The following KAT7 variants were observed in gnomAD, a reference collection of about 807,000 sequenced individuals.
KAT7 encodes the protein lysine acetyltransferase 7.
Under a neutral mutation model 82.1 loss-of-function variants are expected in KAT7, and 10 were observed. The ratio of observed to expected loss-of-function variants is 0.12; its 90% CI spans 0.08 to 0.21. The LOEUF (loss-of-function observed/expected upper bound fraction) is 0.21, where lower values mean the gene tolerates loss of function less well. KAT7 is among the 10% of genes least tolerant of loss of function. KAT7 has a pLI of 1.00. For synonymous variants in KAT7, 250 were observed against 262.5 expected, an observed-to-expected ratio of 0.95 and a Z score of 0.46; for missense variants, 378 against 760.9, an observed-to-expected ratio of 0.50 and a Z score of 5.92.
intron 1 of KAT7, 171 bp downstream of exon 1, chr17:49,789,020 T>A: frequency 1.9e-6 from 1 of 520,288 alleles, no homozygotes; most frequent in Non-Finnish European, 3.3e-6. Flanking sequence ...GGCCCGACCC[T>A]GGCCTCGGCC....
At chr17:49,790,966 C>T (rs914532668) in intron 1 of KAT7, among the ~76,000 whole-genome samples, 1 of 152,114 alleles carries the variant, frequency 6.6e-6, no homozygotes, top group Non-Finnish European at 1.5e-5. Context: ...GAAAGAACTC[C>T]TCAGGAGGAT....
chr17:49,804,540 C>T (rs1397896173), intron 4 of KAT7, among the ~76,000 whole-genome samples: 2 of 152,150 alleles, frequency 1.3e-5, no homozygotes, highest in African/African-American at 4.8e-5. Context: ...CTTTGGGAGG[C>T]GGAGGCAGGA....
Position 49,815,882 on chromosome 17 carries a change from G to T in KAT7, c.932G>T (p.Arg311Leu). The T allele has an allele frequency of 6.2e-7, 1 of 1,613,608 alleles. No individual in the cohort carries two copies. The highest frequency in any genetic ancestry group is 8.5e-7 in the Non-Finnish European group (1 of 1,179,624). The change falls in exon 8 of 15, where the codon CGA becomes CTA. Residue 311 changes from arginine to leucine, a missense_variant. Physicochemically the swap from Arg to Leu is moderately radical, Grantham distance 102. This residue lies in a region of KAT7 where 102 missense variants were observed against 129.8 expected (regional missense o/e 0.79). Coordinates refer to ENST00000259021, the MANE Select transcript of KAT7 (RefSeq NM_007067.5). ...AGCGAGTATGACTTGGATCTTTTCCGAAGAGCACAAGCCCGGGCTTCAGAG... is the reference window on the plus strand; with the variant it reads ...AGCGAGTATGACTTGGATCTTTTCCTAAGAGCACAAGCCCGGGCTTCAGAG... ...LTSEYDLDLF[R>L]RAQARASEDL... is the part of the protein sequence containing the mutation.
Position 49,826,164 on chromosome 17 carries a change from T to C in KAT7, c.1627+18T>C. 6.2e-7 allele frequency: 1 copy of C among 1,610,358 alleles called. No homozygotes were observed. Among genetic ancestry groups the C allele is most frequent in the Non-Finnish European group, 8.5e-7 (1 of 1,176,840 alleles). ...TATCAAAGGTTGGTTTTTGACTCCT[T>C]GGAATGGTTGATTGTTACCCAAGAA... On this transcript the variant is annotated intron_variant, in intron 13 of 14. Transcript: ENST00000259021.
chr17:49,798,493 G>A lies in KAT7; in HGVS notation c.515G>A (p.Arg172His). The A allele has an allele frequency of 6.2e-7, 1 of 1,614,018 alleles. No individual in the cohort carries two copies. Among genetic ancestry groups the A allele is most frequent in the Non-Finnish European group, 8.5e-7 (1 of 1,179,916 alleles). The change falls in exon 4 of 15, where the codon CGC becomes CAC. Residue 172 changes from arginine (R) to histidine (H), a missense_variant. By Grantham distance (29) the Arg-to-His change is conservative (BLOSUM62 0). Coordinates refer to ENST00000259021, the MANE Select transcript of KAT7 (RefSeq NM_007067.5). The stretch of plus-strand genomic sequence containing the variant: ...AGTGATCTCTCTCATCGCCCCAAGC[G>A]CCGTCGCTTCCATGAAAGCTACAAC... Reference protein sequence around the residue: ...SGSDLSHRPKRRRFHESYNFN... With the variant: ...SGSDLSHRPKHRRFHESYNFN...
chr17:49,803,434 T>A (rs951560853), intron 4 of KAT7, among the ~76,000 whole-genome samples: 1 of 151,684 alleles, frequency 6.6e-6, no homozygotes, highest in Admixed American at 6.6e-5. Flanking sequence ...TATTTTATTT[T>A]ATTTTTTTGA....
chr17:49,827,356 T>G (rs1421399294), intron 14 of KAT7, 45 bp from the exon 15 acceptor site: 1 of 1,199,338 alleles, frequency 8.3e-7, no homozygotes, highest in Non-Finnish European at 1.2e-6. Flanking sequence ...GTAAAGGCAC[T>G]TGAGTTGAAA....
chr17:49,817,384 A>T (rs145768822), intron 8 of KAT7, among the ~76,000 whole-genome samples: 1 of 152,168 alleles, frequency 6.6e-6, no homozygotes, highest in African/African-American at 2.4e-5. Flanking sequence ...AGCTCTCTTT[A>T]GTGTAAATTC....
At chr17:49,818,317 C>A (rs1362466411) in intron 9 of KAT7, among the ~76,000 whole-genome samples, 1 of 152,154 alleles carries the variant, frequency 6.6e-6, no homozygotes, top group Non-Finnish European at 1.5e-5. Flanking sequence ...TTACCTCTGC[C>A]CACAGGTTTT....
At chr17:49,801,716 C>G (rs989498731) in intron 4 of KAT7, among the ~76,000 whole-genome samples, 1 of 152,174 alleles carries the variant, frequency 6.6e-6, no homozygotes, top group Non-Finnish European at 1.5e-5. Context: ...TCTTGAACTC[C>G]TGGGCTCAAG....
chr17:49,826,830 C>A, intron 14 of KAT7, 31 bp downstream of exon 14: 1 of 1,412,828 alleles, frequency 7.1e-7, no homozygotes. Context: ...TTGCTCATTG[C>A]TGGATGTCCT....
chr17:49,792,825 C>T (rs1256544837), intron 2 of KAT7, among the ~76,000 whole-genome samples: 1 of 151,894 alleles, frequency 6.6e-6, no homozygotes, highest in Non-Finnish European at 1.5e-5. Context: ...TTTTTATTTT[C>T]TGGAGACAGG....
At position 49,798,412 on chromosome 17, in the gene KAT7, C is replaced by T; in HGVS notation, c.434C>T (p.Pro145Leu). 3 of 1,614,232 alleles carry T rather than the reference C, an allele frequency of 1.9e-6. No homozygotes were observed. The highest frequency in any genetic ancestry group is 2.5e-6 in the Non-Finnish European group (3 of 1,180,044). ...GAGTCTGACATAGACATCTCCAGCCCCAATGTATCTCACGATGAGAGCATT... is the reference window on the plus strand; with the variant it reads ...GAGTCTGACATAGACATCTCCAGCCTCAATGTATCTCACGATGAGAGCATT... ...SSESDIDISS[P>L]NVSHDESIAK... is the part of the protein sequence containing the mutation. Residue 145 changes from proline (P) to leucine (L), a missense_variant, in exon 4 of 15, where the codon CCC (proline) becomes CTC (leucine). Around this residue, in one of 6 missense-constraint regions of KAT7, gnomAD observed 161 missense variants for 229.6 expected, o/e 0.70. Transcript: ENST00000259021.
intron 1 of KAT7, among the ~76,000 whole-genome samples, chr17:49,791,442 G>C (rs192042640): frequency 1.1e-3 from 167 of 152,300 alleles, no homozygotes; most frequent in African/African-American, 3.8e-3. Flanking sequence ...TGGATCACCT[G>C]AGGTCAGGTG....
intron 1 of KAT7, among the ~76,000 whole-genome samples, chr17:49,791,265 G>A (rs777489503): frequency 6.6e-5 from 10 of 152,174 alleles, no homozygotes; most frequent in Non-Finnish European, 7.4e-5. Context: ...GTTAAATGAG[G>A]TCCAGCACCA....
intron 7 of KAT7, among the ~76,000 whole-genome samples, chr17:49,813,916 C>T (rs1003904782): frequency 6.6e-6 from 1 of 150,696 alleles, no homozygotes; most frequent in Non-Finnish European, 1.5e-5. Flanking sequence ...GAGTCTCACT[C>T]TGTCACCCAG....
At chr17:49,818,859 C>T (rs921415539) in intron 9 of KAT7, among the ~76,000 whole-genome samples, 1 of 152,088 alleles carries the variant, frequency 6.6e-6, no homozygotes, top group Non-Finnish European at 1.5e-5. Context: ...CTGCCTCAGC[C>T]TCCTGAGTAC....
intron 5 of KAT7, 22 bp from the exon 6 acceptor site, chr17:49,809,097 T>C (rs754705481): frequency 6.3e-7 from 1 of 1,595,334 alleles, no homozygotes; most frequent in Non-Finnish European, 8.6e-7. Context: ...GGTGGATTTA[T>C]TGACGTTGTT....
Position 49,823,182 on chromosome 17 carries a change from C to G in KAT7, c.1387-20C>G. The G allele has an allele frequency of 7.4e-7, 1 of 1,356,068 alleles. No homozygotes were observed. The highest frequency in any genetic ancestry group is 1.1e-6 in the Non-Finnish European group (1 of 946,876). The allele number at this position is 1,356,068 out of a possible 1,614,324, so 84.0% of individuals were successfully genotyped here. On this transcript the variant is annotated intron_variant, in intron 11 of 14. Coordinates refer to ENST00000259021, the MANE Select transcript of KAT7 (RefSeq NM_007067.5). ...TTTCAAATCCTCATGACGTGTTCAT[C>G]TGTTTGCTCTTGATTTTAGGAAAAG...
Sources: gnomAD v4.1 joint callset for allele counts (sites outside exome capture counted in the v4.1 genomes callset) on GRCh38, gnomAD v4.1.1 for gene constraint, gnomAD v4.1.1 regional missense constraint, MANE v1.5 for transcripts, NCBI Gene and HGNC (gene_info 2026-07-23, HGNC 2026-07-21) for gene names.